ARHGEF10L: variants seen among roughly 807,000 people sequenced by gnomAD.
The protein encoded by ARHGEF10L is Rho guanine nucleotide exchange factor 10 like.
In ARHGEF10L, 69 loss-of-function variants were observed where a neutral mutation model predicts 141.2. That is an observed-to-expected ratio of 0.49 (90% CI 0.40 to 0.60). The LOEUF (loss-of-function observed/expected upper bound fraction) is 0.60, where lower values mean the gene tolerates loss of function less well. ARHGEF10L is among the 20% of genes least tolerant of loss of function. The pLI, the probability that ARHGEF10L is intolerant of heterozygous loss-of-function variation, is 0.00. For missense variants in ARHGEF10L, 1,482 were observed against 1,734.3 expected, an observed-to-expected ratio of 0.85 and a Z score of 2.58; for synonymous variants, 711 against 718.5, an observed-to-expected ratio of 0.99 and a Z score of 0.17.
chr1:17,627,560 G>T lies in ARHGEF10L; in HGVS notation c.1584+57G>T. 1 of 1,573,530 alleles carries T rather than the reference G, an allele frequency of 6.4e-7. No individual in the cohort carries two copies. The highest frequency in any genetic ancestry group is 8.6e-7 in the Non-Finnish European group (1 of 1,158,372). On this transcript the variant is annotated intron_variant, in intron 15 of 28. Coordinates refer to ENST00000361221, the MANE Select transcript of ARHGEF10L (RefSeq NM_018125.4). This position sits in a 1 kb window ranked among gnomAD's most constrained non-coding sequence, Gnocchi z 4.0. ...CCTGCCTGCCCTCACCTGTGCTCCTGCCCGTGCCCCTGCCCCACGCCACCC... is the reference window on the plus strand; with the variant it reads ...CCTGCCTGCCCTCACCTGTGCTCCTTCCCGTGCCCCTGCCCCACGCCACCC...
At chr1:17,694,815 C>T in intron 27 of ARHGEF10L, 1 of 444,840 alleles carries the variant, frequency 2.2e-6, no homozygotes, top group Non-Finnish European at 4.4e-6. Flanking sequence ...ATGGATTGCC[C>T]TTGGACAACC....
intron 23 of ARHGEF10L, among the ~76,000 whole-genome samples, chr1:17,655,249 A>G (rs1369355753): frequency 6.6e-6 from 1 of 152,104 alleles, no homozygotes; most frequent in East Asian, 1.9e-4. Context: ...ATATCCATCC[A>G]TCCATCATCC....
At chr1:17,660,039 T>C (rs1044720111) in intron 25 of ARHGEF10L, among the ~76,000 whole-genome samples, 4 of 152,218 alleles carry the variant, frequency 2.6e-5, no homozygotes, top group African/African-American at 7.2e-5. Context: ...CTTGTTCTCA[T>C]TCATTCATTC....
At position 17,619,109 on chromosome 1, in the gene ARHGEF10L, G is replaced by A. The variant is rs761822032; in HGVS notation, c.836-230G>A. On this transcript the variant is annotated intron_variant, in intron 9 of 28. Coordinates refer to ENST00000361221, the MANE Select transcript of ARHGEF10L (RefSeq NM_018125.4). This position sits in a 1 kb window ranked among gnomAD's most constrained non-coding sequence, Gnocchi z 5.0. ...TTGATTTCTGCCTGTTCACCCTCTC[G>A]CTCACTTGCTCACAATTATTCACTG... Among the ~76,000 whole-genome samples, 3 of 152,058 alleles carry A rather than the reference G, an allele frequency of 2.0e-5. No homozygotes were observed. The highest frequency in any genetic ancestry group is 2.1e-4 in the South Asian group (1 of 4,818).
At chr1:17,576,523 C>T (rs756014210) in intron 1 of ARHGEF10L, among the ~76,000 whole-genome samples, 1 of 152,150 alleles carries the variant, frequency 6.6e-6, no homozygotes, top group African/African-American at 2.4e-5. Flanking sequence ...GGGAACTGTT[C>T]AGTGTCCGCC....
chr1:17,686,231 C>T (rs1188660548), intron 26 of ARHGEF10L, among the ~76,000 whole-genome samples: 1 of 152,080 alleles, frequency 6.6e-6, no homozygotes, highest in African/African-American at 2.4e-5. Flanking sequence ...CTGACTGTCC[C>T]CATGGCTTGG....
At chr1:17,537,693 T>C (rs988729042), upstream of ARHGEF10L, among the ~76,000 whole-genome samples, 3 of 151,346 alleles carry the variant, frequency 2.0e-5, no homozygotes, top group Non-Finnish European at 4.4e-5. Flanking sequence ...GCTGGAGGCG[T>C]CAGACATTTC....
intron 26 of ARHGEF10L, among the ~76,000 whole-genome samples, chr1:17,674,848 C>T (rs191521495): frequency 4.5e-4 from 69 of 152,210 alleles, no homozygotes; most frequent in African/African-American, 1.5e-3. Context: ...TCATGCTGTA[C>T]GGGTATGAGG....
intron 1 of ARHGEF10L, among the ~76,000 whole-genome samples, chr1:17,545,272 A>G (rs2076879028): frequency 6.6e-6 from 1 of 152,220 alleles, no homozygotes; most frequent in African/African-American, 2.4e-5. Context: ...CCTGTTTACC[A>G]GCACACCACT....
At chr1:17,653,422 T>C (rs1406636545) in intron 22 of ARHGEF10L, among the ~76,000 whole-genome samples, 1 of 152,208 alleles carries the variant, frequency 6.6e-6, no homozygotes, top group Non-Finnish European at 1.5e-5. Flanking sequence ...CTCTGTTGAC[T>C]CAGCTGACAT....
chr1:17,678,491 C>T (rs1403633955), intron 26 of ARHGEF10L, among the ~76,000 whole-genome samples: 1 of 146,970 alleles, frequency 6.8e-6, no homozygotes, highest in Non-Finnish European at 1.5e-5. Context: ...GTGATCTCGG[C>T]TCACTGCAAC....
the ARHGEF10L span, among the ~76,000 whole-genome samples, chr1:17,515,995 G>T: frequency 5.9e-5 from 9 of 152,370 alleles, no homozygotes; most frequent in Middle Eastern, 3.4e-3. Context: ...GCATGGTACT[G>T]CTTTGAGGCC....
intron 26 of ARHGEF10L, among the ~76,000 whole-genome samples, chr1:17,676,282 A>C (rs34571066): frequency 0.17 from 19,672 of 113,770 alleles, 1,551 homozygotes; most frequent in Middle Eastern, 0.24. Flanking sequence ...GTGTAGTTGC[A>C]GGTGTGGGTG....
chr1:17,667,149 C>T (rs1046686405), intron 26 of ARHGEF10L, among the ~76,000 whole-genome samples: 3 of 152,312 alleles, frequency 2.0e-5, no homozygotes, highest in East Asian at 1.9e-4. Context: ...GACAGGTGCT[C>T]GGCCTGTAGG....
At chr1:17,592,595 G>A (rs1001101029) in intron 4 of ARHGEF10L, among the ~76,000 whole-genome samples, 9 of 152,186 alleles carry the variant, frequency 5.9e-5, no homozygotes, top group South Asian at 2.1e-4. Flanking sequence ...GAAACAGGGC[G>A]CTGGTGGCCT....
At chr1:17,658,241 A>G (rs563524618) in intron 25 of ARHGEF10L, among the ~76,000 whole-genome samples, 25 of 152,306 alleles carry the variant, frequency 1.6e-4, no homozygotes, top group African/African-American at 5.3e-4. Flanking sequence ...TACATCTGCA[A>G]TGACCTTACT....
Position 17,697,591 on chromosome 1 carries a change from A to T in ARHGEF10L, c.*211A>T. On this transcript the variant is annotated 3_prime_UTR_variant, in exon 29 of 29. Transcript: ENST00000361221. The surrounding 1 kb of genome is among the most constrained non-coding windows in gnomAD (Gnocchi z 4.8). ...TAGGGCTTGGGGAGAGGGAGGACAC[A>T]TCTGGAGGAAATGGCCTTCTTTTTA... The T allele has an allele frequency of 1.4e-6, 1 of 697,962 alleles. No homozygotes were observed. The highest frequency in any genetic ancestry group is 2.6e-6 in the Non-Finnish European group (1 of 392,014). The allele number at this position is 697,962 out of a possible 1,614,324, so 43.2% of individuals were successfully genotyped here.
At chr1:17,663,828 A>G (rs543261709) in intron 25 of ARHGEF10L, among the ~76,000 whole-genome samples, 62 of 152,298 alleles carry the variant, frequency 4.1e-4, no homozygotes, top group African/African-American at 1.5e-3. Flanking sequence ...AGTTAGTAGT[A>G]GCAGAACCAG....
Position 17,607,981 on chromosome 1 carries a change from A to G in ARHGEF10L, c.609+4A>G. 1.7e-6 allele frequency: 2 copies of G among 1,179,682 alleles called. No homozygotes were observed. The highest frequency in any genetic ancestry group is 1.6e-5 in the South Asian group (1 of 62,770). 73.1% of individuals were successfully genotyped at this position (1,179,682 alleles called of 1,614,324 possible). A position where few individuals can be genotyped will look rare whatever the true frequency, so the allele number is the denominator to read the frequency against. Reference sequence around the variant, plus strand: ...CCGAGTGTCCTTCCAGCCCAAGGTGAGGGGACCGGGGGTGTCGCTCACCTC... The same window carrying G: ...CCGAGTGTCCTTCCAGCCCAAGGTGGGGGGACCGGGGGTGTCGCTCACCTC... On this transcript the variant is annotated splice_donor_region_variant and intron_variant, in intron 7 of 28. Coordinates refer to ENST00000361221, the MANE Select transcript of ARHGEF10L (RefSeq NM_018125.4). This position sits in a 1 kb window ranked among gnomAD's most constrained non-coding sequence, Gnocchi z 4.5.
Sources: gnomAD v4.1 joint callset for allele counts (sites outside exome capture counted in the v4.1 genomes callset) on GRCh38, gnomAD v4.1.1 for gene constraint, Gnocchi (gnomAD v3.1) non-coding constraint, MANE v1.5 for transcripts, NCBI Gene and HGNC (gene_info 2026-07-23, HGNC 2026-07-21) for gene names.